The following ESPL1 variants were observed in gnomAD, a reference collection of about 807,000 sequenced individuals.
ESPL1 encodes the protein separin.
ESPL1 carries 50 observed loss-of-function variants against 217.2 expected under a neutral mutation model. The observed-to-expected ratio is 0.23, with a 90% CI of 0.18 to 0.29. ESPL1 has a LOEUF of 0.29. Among genes scored for constraint, ESPL1 ranks in the 10% least tolerant of loss-of-function variants. The pLI, the probability that ESPL1 is intolerant of heterozygous loss-of-function variation, is 1.00. For missense variants in ESPL1, 1,834 were observed against 2,603.0 expected (o/e 0.70, Z 6.43); for synonymous variants, 994 against 1,081.3 (o/e 0.92, Z 1.58).
chr12:53,273,484 C>A (rs552547747), intron 6 of ESPL1, among the ~76,000 whole-genome samples: 1 of 150,948 alleles, frequency 6.6e-6, no homozygotes, highest in Non-Finnish European at 1.5e-5. Flanking sequence ...GTTTGCCGGG[C>A]GTGATGGCTC....
In ESPL1 at chr12:53,269,441, G is replaced by T. The variant is rs573029625; in HGVS notation, c.499G>T (p.Ala167Ser). 1 of 1,613,962 alleles carries T rather than the reference G, an allele frequency of 6.2e-7. No homozygotes were observed. The highest frequency in any genetic ancestry group is 8.5e-7 in the Non-Finnish European group (1 of 1,180,022). ...GTTGGAACGGCGAGCTGCATTTGCA[G>T]CTCGGCTGAAGGCCTTGAGCTTCCT... ...ALLERRAAFA[A>S]RLKALSFLVL... Residue 167 changes from alanine to serine, a missense_variant, in exon 3 of 31, where the codon GCT becomes TCT. Physicochemically the swap from Ala to Ser is moderately conservative, Grantham distance 99 (BLOSUM62 1). Around this residue, in one of 5 missense-constraint regions of ESPL1, gnomAD observed 746 missense variants for 1,077.0 expected, o/e 0.69. Transcript: ENST00000257934. The surrounding 1 kb of genome is among the most constrained non-coding windows in gnomAD (Gnocchi z 6.7).
rs2120913246 is a variant in ESPL1, at chr12:53,277,462, C to T, written c.2086-8C>T. 3.1e-6 allele frequency: 5 copies of T among 1,613,478 alleles called. No individual in the cohort carries two copies. In the African/African-American group the frequency reaches 4.0e-5, roughly 13 times the overall value. The stretch of plus-strand genomic sequence containing the variant: ...TGCCCTGTTTTATACCCCGATCTTC[C>T]CATCCAGGGTATCGAGCGGGATCGG... On this transcript the variant is annotated splice_region_variant and splice_polypyrimidine_tract_variant and intron_variant, in intron 9 of 30. Transcript: ENST00000257934.
intron 25 of ESPL1, 135 bp from the exon 26 acceptor site, chr12:53,291,555 C>T: frequency 1.1e-6 from 1 of 919,594 alleles, no homozygotes. Context: ...TGCGCCACTG[C>T]ACTCCAGCCT....
In ESPL1 at chr12:53,274,909, C is replaced by G. The variant is rs1943739111; in HGVS notation, c.1599C>G (p.Ala533=). 2 of 1,612,134 alleles carry G rather than the reference C, an allele frequency of 1.2e-6. No individual in the cohort carries two copies. The highest frequency in any genetic ancestry group is 2.2e-5 in the East Asian group (1 of 44,862). The change falls in exon 7 of 31, where the codon GCC becomes GCG. Residue 533 remains alanine (A), a synonymous_variant. Coordinates refer to ENST00000257934, the MANE Select transcript of ESPL1 (RefSeq NM_012291.5). ...GCKMVILWLA[A]LQPCSPEHMA... The stretch of plus-strand genomic sequence containing the variant: ...AGATGGTGATTTTGTGGCTGGCAGC[C>G]CTGCAACCCTGTAGCCCTGAACACA...
chr12:53,272,906 CG>C, intron 6 of ESPL1, 49 bp downstream of exon 6: 3 of 1,595,030 alleles, frequency 1.9e-6, no homozygotes. Context: ...GGTTGGGGAG[CG>C]GGGGGAGCGG....
At position 53,281,599 on chromosome 12, in the gene ESPL1, A is replaced by G. The variant is rs758432509; in HGVS notation, c.2592A>G (p.Arg864=). Residue 864 remains arginine, a synonymous_variant, in exon 13 of 31, where the codon CGA becomes CGG. Coordinates refer to ENST00000257934, the MANE Select transcript of ESPL1 (RefSeq NM_012291.5). ...TTTCCCTGACCTGTGATCTGCTTCG[A>G]AGTCAACTCTACTGGACTCACCAGA... ...LLLSLTCDLL[R]SQLYWTHQKV... 1 of 1,613,858 alleles carries G rather than the reference A, an allele frequency of 6.2e-7. No homozygotes were observed. The highest frequency in any genetic ancestry group is 1.7e-5 in the Admixed American group (1 of 60,004).
intron 7 of ESPL1, among the ~76,000 whole-genome samples, chr12:53,275,786 G>C (rs540587910): frequency 9.0e-4 from 127 of 140,596 alleles, no homozygotes; most frequent in African/African-American, 3.3e-3. Context: ...GGCTGGTCTT[G>C]AACTCCTGAG....
At chr12:53,285,445 G>T (rs914588789) in intron 17 of ESPL1, among the ~76,000 whole-genome samples, 2 of 152,064 alleles carry the variant, frequency 1.3e-5, no homozygotes, top group African/African-American at 4.8e-5. Flanking sequence ...ATCCATTGTT[G>T]GTTGGAAAGA....
rs1448771168 is a variant in ESPL1 at position 53,286,989 on chromosome 12, A to G, written c.4176+77A>G. On this transcript the variant is annotated intron_variant, in intron 18 of 30. Transcript: ENST00000257934. This position sits in a 1 kb window ranked among gnomAD's most constrained non-coding sequence, Gnocchi z 5.3. Reference sequence around the variant, plus strand: ...CCTGGAGGAGAGTGTTTTATAGAGCAGGTGTCCCTGTGGAATAGCTCCCCA... The same window carrying G: ...CCTGGAGGAGAGTGTTTTATAGAGCGGGTGTCCCTGTGGAATAGCTCCCCA... The G allele has an allele frequency of 6.9e-7, 1 of 1,439,924 alleles. No homozygotes were observed. Among genetic ancestry groups the G allele is most frequent in the Non-Finnish European group, 9.4e-7 (1 of 1,068,832 alleles). 89.2% of individuals were successfully genotyped at this position (1,439,924 alleles called of 1,614,324 possible).
rs746109046 is a variant in ESPL1, at chr12:53,289,393, G to A, written c.4923-11G>A. On this transcript the variant is annotated splice_polypyrimidine_tract_variant and intron_variant, in intron 21 of 30. Transcript: ENST00000257934. ...GGAATGGGACCTCACCCCTCCCCGT[G>A]TTGCTTGCAGCAAGGCCCAGAAGCA... The A allele has an allele frequency of 4.3e-6, 7 of 1,612,216 alleles. No individual in the cohort carries two copies. Among genetic ancestry groups the A allele is most frequent in the Non-Finnish European group, 5.9e-6 (7 of 1,179,222 alleles).
Position 53,288,263 on chromosome 12 carries a change from G to A in ESPL1, c.4468G>A (p.Glu1490Lys), listed in dbSNP as rs1177668603. 1 of 1,607,994 alleles carries A rather than the reference G, an allele frequency of 6.2e-7. No individual in the cohort carries two copies. The highest frequency in any genetic ancestry group is 1.7e-5 in the Admixed American group (1 of 58,470). ...CCCTGAGATCATGAGGACCATCCCT[G>A]AGGAAGAACTGACTGACAACTGGAG... ...PGPEIMRTIP[E>K]EELTDNWRKM... The change falls in exon 19 of 31, where the codon GAG becomes AAG. Residue 1490 changes from glutamate (E) to lysine (K), a missense_variant. Around this residue, in one of 5 missense-constraint regions of ESPL1, gnomAD observed 681 missense variants for 808.0 expected, o/e 0.84. Coordinates refer to ENST00000257934, the MANE Select transcript of ESPL1 (RefSeq NM_012291.5).
intron 25 of ESPL1, 86 bp from the exon 26 acceptor site, chr12:53,291,604 C>G (rs985163424): frequency 6.4e-6 from 9 of 1,404,058 alleles, no homozygotes; most frequent in Non-Finnish European, 8.8e-6. Flanking sequence ...AAAAAGAAAA[C>G]AGGGAAAGGG....
In ESPL1 at chr12:53,269,404, G is replaced by A; in HGVS notation, c.462G>A (p.Gly154=). Residue 154 remains glycine, a synonymous_variant, in exon 3 of 31, where the codon GGG becomes GGA. Coordinates refer to ENST00000257934, the MANE Select transcript of ESPL1 (RefSeq NM_012291.5). This position sits in a 1 kb window ranked among gnomAD's most constrained non-coding sequence, Gnocchi z 6.7. ...ARGSFSLLWK[G]AEALLERRAA... The stretch of plus-strand genomic sequence containing the variant: ...GCAGCTTTTCTCTGCTTTGGAAGGG[G>A]GCAGAAGCCCTGTTGGAACGGCGAG... The A allele has an allele frequency of 6.2e-7, 1 of 1,613,974 alleles. No individual in the cohort carries two copies.
intron 26 of ESPL1, 23 bp downstream of exon 26, chr12:53,291,883 C>T (rs2121005686): frequency 6.3e-7 from 1 of 1,586,352 alleles, no homozygotes. Flanking sequence ...GGCAGAGGGG[C>T]AGTGTCTAGT....
At chr12:53,278,664 T>G (rs539328623) in intron 11 of ESPL1, among the ~76,000 whole-genome samples, 1 of 150,826 alleles carries the variant, frequency 6.6e-6, no homozygotes, top group South Asian at 2.1e-4. Flanking sequence ...CAATCTGGGC[T>G]CACTGCAACT....
At position 53,276,569 on chromosome 12, in the gene ESPL1, G is replaced by A. The variant is rs1943767909; in HGVS notation, c.1701-51G>A. On this transcript the variant is annotated intron_variant, in intron 7 of 30. Coordinates refer to ENST00000257934, the MANE Select transcript of ESPL1 (RefSeq NM_012291.5). ...CCTCAGCATGGGAGCAGGTAGCAGA[G>A]GCTTTATGCCTCCTGGGTTCCACCC... 10 of 1,524,194 alleles carry A rather than the reference G, an allele frequency of 6.6e-6. No individual in the cohort carries two copies. The East Asian group carries it at 2.4e-4, about 37-fold the overall frequency. The allele number at this position is 1,524,194 out of a possible 1,614,324, so 94.4% of individuals were successfully genotyped here.
intron 2 of ESPL1, 27 bp downstream of exon 2, chr12:53,268,874 C>T (rs1411705695): frequency 6.3e-7 from 1 of 1,585,834 alleles, no homozygotes. Flanking sequence ...GCTCGGGATA[C>T]ACCTGGCTTT....
chr12:53,282,202 C>A lies in ESPL1; in HGVS notation c.2620-62C>A. The stretch of plus-strand genomic sequence containing the variant: ...GGATGGGGCCACGTAATCTCCAGGG[C>A]CTCTCAAGCTCTGGAGTGCCTGACT... On this transcript the variant is annotated intron_variant, in intron 13 of 30. Coordinates refer to ENST00000257934, the MANE Select transcript of ESPL1 (RefSeq NM_012291.5). The surrounding 1 kb of genome is among the most constrained non-coding windows in gnomAD (Gnocchi z 4.0). The A allele has an allele frequency of 1.4e-6, 2 of 1,420,498 alleles. No individual in the cohort carries two copies. Among genetic ancestry groups the A allele is most frequent in the Non-Finnish European group, 2.0e-6 (2 of 1,008,302 alleles). 88.0% of individuals were successfully genotyped at this position (1,420,498 alleles called of 1,614,324 possible). A position where few individuals can be genotyped will look rare whatever the true frequency, so the allele number is the denominator to read the frequency against.
Position 53,283,459 on chromosome 12 carries a change from C to T in ESPL1, c.2998C>T (p.Arg1000Cys), listed in dbSNP as rs1198873620. ...AGAGAAGCTGGTCTGCCACCTGGGC[C>T]GCCTGGGTAGTGTGAGTGAAGCCAA... ...CSEKLVCHLG[R>C]LGSVSEAKAF... The change falls in exon 16 of 31, where the codon CGC becomes TGC. Residue 1000 changes from arginine (R) to cysteine (C), a missense_variant. Arg to Cys is a radical substitution (Grantham distance 180). Coordinates refer to ENST00000257934, the MANE Select transcript of ESPL1 (RefSeq NM_012291.5). 5 of 1,614,052 alleles carry T rather than the reference C, an allele frequency of 3.1e-6. No homozygotes were observed. The South Asian group carries it at 5.5e-5, about 18-fold the overall frequency.
Sources: allele counts gnomAD v4.1 joint callset (sites outside exome capture counted in the v4.1 genomes callset), GRCh38; gene constraint gnomAD v4.1.1; regional missense constraint gnomAD v4.1.1; non-coding constraint Gnocchi (gnomAD v3.1); transcripts MANE v1.5; gene names NCBI Gene and HGNC (gene_info 2026-07-23, HGNC 2026-07-21).